Variants in FAM135B observed in about 807,000 individuals in gnomAD.
FAM135B encodes protein FAM135B.
In FAM135B, 43 loss-of-function variants were observed where a neutral mutation model predicts 127.7. The ratio of observed to expected loss-of-function variants is 0.34; its 90% CI spans 0.26 to 0.43. The LOEUF is 0.43. Ranked by LOEUF, FAM135B falls within the 20% of genes least tolerant of loss-of-function variation. The pLI is 1.00. For missense variants in FAM135B, 1,558 were observed against 1,725.6 expected (o/e 0.90, Z 1.72); for synonymous variants, 670 against 665.1 (o/e 1.01, Z -0.11).
intron 7 of FAM135B, among the ~76,000 whole-genome samples, chr8:138,238,479 C>G (rs10505697): frequency 0.18 from 27,660 of 151,974 alleles, 2,823 homozygotes; most frequent in Non-Finnish European, 0.23. Context: ...GTCAAAGGTG[C>G]TGTAGGAAAG....
At chr8:138,232,532 G>GC in intron 7 of FAM135B, among the ~76,000 whole-genome samples, 1 of 152,144 alleles carries the variant, frequency 6.6e-6, no homozygotes, top group East Asian at 1.9e-4. Flanking sequence ...TTTACTCAAA[G>GC]CCCCCCTTAG....
At chr8:138,195,379 A>C (rs1436078548) in intron 8 of FAM135B, 72 bp from the exon 9 acceptor site, 12 of 1,480,160 alleles carry the variant, frequency 8.1e-6, no homozygotes, top group Middle Eastern at 1.7e-4. Context: ...ATTAAATGAA[A>C]AAGCAAAAGT....
chr8:138,316,386 C>T (rs904346164), intron 2 of FAM135B, among the ~76,000 whole-genome samples: 3 of 151,812 alleles, frequency 2.0e-5, no homozygotes, highest in South Asian at 2.1e-4. Context: ...CCCAGCTACT[C>T]GGGAGGCTGA....
At chr8:138,319,385 G>A (rs1393278193) in intron 2 of FAM135B, among the ~76,000 whole-genome samples, 1 of 152,134 alleles carries the variant, frequency 6.6e-6, no homozygotes, top group African/African-American at 2.4e-5. Flanking sequence ...AGGATTACAG[G>A]CGAGAGCCAC....
chr8:138,206,359 C>A (rs1451800411), intron 7 of FAM135B, among the ~76,000 whole-genome samples: 5 of 149,806 alleles, frequency 3.3e-5, no homozygotes, highest in African/African-American at 7.3e-5. Context: ...CCAGCATCCC[C>A]TCCACCTACC....
At chr8:138,370,407 G>A (rs889353555) in intron 1 of FAM135B, among the ~76,000 whole-genome samples, 1 of 152,126 alleles carries the variant, frequency 6.6e-6, no homozygotes, top group African/African-American at 2.4e-5. Flanking sequence ...CCATAATGCA[G>A]TGAGGAAGAT....
chr8:138,289,263 T>C (rs375404054), intron 3 of FAM135B, among the ~76,000 whole-genome samples: 147 of 152,300 alleles, frequency 9.7e-4, no homozygotes, highest in African/African-American at 3.4e-3. Flanking sequence ...GCCCACCCAA[T>C]AGGAATCACA....
intron 12 of FAM135B, among the ~76,000 whole-genome samples, chr8:138,153,949 A>G (rs1165866410): frequency 6.6e-6 from 1 of 152,206 alleles, no homozygotes; most frequent in Non-Finnish European, 1.5e-5. Flanking sequence ...TGGTTCTCCC[A>G]GCACGGAGTT....
chr8:138,362,102 C>T (rs908867172), intron 2 of FAM135B, among the ~76,000 whole-genome samples: 4 of 151,948 alleles, frequency 2.6e-5, no homozygotes, highest in African/African-American at 4.8e-5. Context: ...TCTCCTCAAG[C>T]GTATTTATCC....
intron 14 of FAM135B, among the ~76,000 whole-genome samples, 188 bp from the exon 15 acceptor site, chr8:138,146,238 C>A (rs1052042530): frequency 6.6e-6 from 1 of 152,286 alleles, no homozygotes; most frequent in East Asian, 1.9e-4. Context: ...CTTGGCCCCC[C>A]ACACTCAGAG....
At chr8:138,473,362 A>G (rs1366013898) in intron 1 of FAM135B, among the ~76,000 whole-genome samples, 2 of 152,164 alleles carry the variant, frequency 1.3e-5, no homozygotes, top group Non-Finnish European at 2.9e-5. Context: ...TACAGAATCA[A>G]GCCCAGCATC....
chr8:138,255,382 A>G (rs1821999155), intron 5 of FAM135B, among the ~76,000 whole-genome samples: 1 of 152,152 alleles, frequency 6.6e-6, no homozygotes, highest in Non-Finnish European at 1.5e-5. Flanking sequence ...ACAGAGAAAG[A>G]AGGAGATTTC....
chr8:138,260,311 T>A (rs900111945), intron 4 of FAM135B, among the ~76,000 whole-genome samples: 4 of 152,330 alleles, frequency 2.6e-5, no homozygotes, highest in Admixed American at 1.3e-4. Flanking sequence ...TTGGAGCCTG[T>A]AAGCCGCTGG....
intron 2 of FAM135B, among the ~76,000 whole-genome samples, chr8:138,330,725 G>C (rs974940864): frequency 5.3e-5 from 8 of 152,036 alleles, no homozygotes; most frequent in Non-Finnish European, 1.0e-4. Flanking sequence ...TTACAACCCT[G>C]TGCTCTCATT....
intron 2 of FAM135B, among the ~76,000 whole-genome samples, chr8:138,365,334 C>A (rs1382970525): frequency 6.6e-6 from 1 of 152,004 alleles, no homozygotes; most frequent in East Asian, 1.9e-4. Context: ...GATTTTTATC[C>A]TCATTTTTCA....
chr8:138,337,817 A>G (rs1420903049), intron 2 of FAM135B, among the ~76,000 whole-genome samples: 1 of 152,228 alleles, frequency 6.6e-6, no homozygotes, highest in African/African-American at 2.4e-5. Context: ...CCTAAGCCAA[A>G]AGAACAAAGC....
intron 1 of FAM135B, among the ~76,000 whole-genome samples, chr8:138,424,439 T>C (rs1834721729): frequency 6.6e-6 from 1 of 152,220 alleles, no homozygotes; most frequent in Non-Finnish European, 1.5e-5. Flanking sequence ...TAGATGTATA[T>C]ATCTTCAATA....
At chr8:138,290,166 T>C (rs1350440452) in intron 3 of FAM135B, among the ~76,000 whole-genome samples, 4 of 152,154 alleles carry the variant, frequency 2.6e-5, no homozygotes, top group Admixed American at 6.5e-5. Context: ...GTAAGGATAC[T>C]TGAACTTCTG....
At chr8:138,363,613 G>A (rs1830570137) in intron 2 of FAM135B, among the ~76,000 whole-genome samples, 1 of 152,292 alleles carries the variant, frequency 6.6e-6, no homozygotes, top group South Asian at 2.1e-4. Context: ...ATGAAGGCAT[G>A]TTGACTGTTC....
Sources: allele counts gnomAD v4.1 joint callset (sites outside exome capture counted in the v4.1 genomes callset), GRCh38; gene constraint gnomAD v4.1.1; transcripts MANE v1.5; gene names NCBI Gene and HGNC (gene_info 2026-07-23, HGNC 2026-07-21).